The following NAA25 variants were observed in gnomAD, a reference collection of about 807,000 sequenced individuals.
NAA25 encodes N-terminal acetyltransferase B complex subunit NAA25.
A neutral mutation model predicts 132.5 loss-of-function variants in NAA25; 30 were observed. The ratio of observed to expected loss-of-function variants is 0.23; its 90% CI spans 0.17 to 0.31. NAA25 has a LOEUF of 0.31. Among genes scored for constraint, NAA25 ranks in the 10% least tolerant of loss-of-function variants. The pLI is 1.00. For missense variants in NAA25, 771 were observed against 1,150.4 expected, an observed-to-expected ratio of 0.67 and a Z score of 4.77; for synonymous variants, 359 against 401.9, an observed-to-expected ratio of 0.89 and a Z score of 1.28.
rs896608914 is a variant in NAA25 at position 112,049,529 on chromosome 12, C to T, written c.1729-1086G>A. On this transcript the variant is annotated intron_variant, in intron 15 of 23. Transcript: ENST00000261745. This position sits in a 1 kb window ranked among gnomAD's most constrained non-coding sequence, Gnocchi z 4.7. ...GGGTTCATTTCAGGCCGCGGGATTG[C>T]GCCACGGGCGCTAATTCAACTGCAT... is the stretch of plus-strand genomic sequence containing the variant. 7 of 985,706 alleles carry T rather than the reference C, an allele frequency of 7.1e-6. No homozygotes were observed. The Admixed American group carries it at 1.8e-4, about 26-fold the overall frequency. 61.1% of individuals were successfully genotyped at this position (985,706 alleles called of 1,614,324 possible).
chr12:112,031,673 C>A (rs1467103480), intron 23 of NAA25, among the ~76,000 whole-genome samples: 1 of 152,008 alleles, frequency 6.6e-6, no homozygotes, highest in African/African-American at 2.4e-5. Context: ...ACTTGATAGT[C>A]ACAACAGGGC....
At chr12:112,051,447 G>A (rs146956953) in intron 15 of NAA25, among the ~76,000 whole-genome samples, 173 of 152,176 alleles carry the variant, frequency 1.1e-3, no homozygotes, top group African/African-American at 4.0e-3. Context: ...CTGACCTCAG[G>A]TGATCCACCC....
chr12:112,072,359 G>C (rs1397138293), intron 9 of NAA25, among the ~76,000 whole-genome samples: 2 of 152,066 alleles, frequency 1.3e-5, no homozygotes, highest in African/African-American at 4.8e-5. Context: ...TGTAATCCCA[G>C]CACTTTGGAA....
At chr12:112,088,634 T>C (rs1449666239) in intron 3 of NAA25, among the ~76,000 whole-genome samples, 1 of 151,924 alleles carries the variant, frequency 6.6e-6, no homozygotes, top group Non-Finnish European at 1.5e-5. Flanking sequence ...TTTTTTTTTT[T>C]TTTTGGAGAC....
At position 112,036,961 on chromosome 12, in the gene NAA25, A is replaced by G. The variant is rs1032992004; in HGVS notation, c.2649+2268T>C. ...AAATAAACTAGAAGCAGTGAACCCC[A>G]ATAGCAATGAGCACACTAACACCTA... On this transcript the variant is annotated intron_variant, in intron 22 of 23. Coordinates refer to ENST00000261745, the MANE Select transcript of NAA25 (RefSeq NM_024953.4). Among the ~76,000 whole-genome samples, 14 of 152,140 alleles carry G rather than the reference A, an allele frequency of 9.2e-5. 1 individual carries two copies. The highest frequency in any genetic ancestry group is 2.1e-4 in the South Asian group (1 of 4,824).
At position 112,027,369 on chromosome 12, in the gene NAA25, AAGAAC is replaced by A. The variant is rs1425888497; in HGVS notation, c.*2157_*2161del. 6.6e-6 allele frequency: 1 copy of A among 152,516 alleles called. No homozygotes were observed. The highest frequency in any genetic ancestry group is 6.5e-5 in the Admixed American group (1 of 15,278). The allele number at this position is 152,516 out of a possible 1,614,324, so 9.4% of individuals were successfully genotyped here. A position where few individuals can be genotyped will look rare whatever the true frequency, so the allele number is the denominator to read the frequency against. On this transcript the variant is annotated 3_prime_UTR_variant, in exon 24 of 24. Coordinates refer to ENST00000261745, the MANE Select transcript of NAA25 (RefSeq NM_024953.4). The stretch of plus-strand genomic sequence containing the variant: ...ATTTATAGTACATGAGGGTTTCCAA[AAGAAC>A]AGATTGATAAGAGATATTGGCCATT...
At chr12:112,087,874 T>TCTGCCAAATA in intron 3 of NAA25, 73 bp from the exon 4 acceptor site, 2 of 984,742 alleles carry the variant, frequency 2.0e-6, no homozygotes, top group Non-Finnish European at 3.2e-6. Flanking sequence ...TCTTCCTATT[T>TCTGCCAAATA]GGCAGAAATA....
chr12:112,075,641 C>A (rs2078884769), intron 8 of NAA25, 37 bp downstream of exon 8: 2 of 1,551,966 alleles, frequency 1.3e-6, no homozygotes, highest in Non-Finnish European at 1.8e-6. Context: ...TAAAGCCTCA[C>A]TACAGTCAAA....
intron 22 of NAA25, chr12:112,034,016 T>C (rs548710554): frequency 1.6e-4 from 25 of 152,208 alleles, no homozygotes; most frequent in African/African-American, 6.0e-4. Flanking sequence ...TCTTGGACAG[T>C]TCAATATCAA....
chr12:112,061,129 T>C, intron 12 of NAA25, 52 bp downstream of exon 12: 1 of 1,522,064 alleles, frequency 6.6e-7, no homozygotes. Context: ...AACTGCCTTC[T>C]AAGTCTTAGT....
At chr12:112,090,536 T>C in intron 3 of NAA25, 190 bp downstream of exon 3, 1 of 480,352 alleles carries the variant, frequency 2.1e-6, no homozygotes, top group Non-Finnish European at 3.6e-6. Flanking sequence ...TAATTCTCAT[T>C]CCAATTCAAG....
chr12:112,103,836 T>C (rs2079326723), intron 1 of NAA25, among the ~76,000 whole-genome samples: 1 of 152,202 alleles, frequency 6.6e-6, no homozygotes, highest in Non-Finnish European at 1.5e-5. Context: ...AGTTAGAGTC[T>C]CATAAGGAGC....
intron 16 of NAA25, 69 bp downstream of exon 16, chr12:112,048,223 A>T: frequency 2.8e-6 from 4 of 1,451,514 alleles, no homozygotes; most frequent in South Asian, 1.3e-5. Flanking sequence ...AACACCCATG[A>T]GCCCATTAAT....
chr12:112,040,441 A>T, intron 21 of NAA25, 40 bp downstream of exon 21: 3 of 1,251,600 alleles, frequency 2.4e-6, no homozygotes, highest in Non-Finnish European at 3.5e-6. Context: ...GTAGACCATT[A>T]AGAACAACAA....
Position 112,068,882 on chromosome 12 carries a change from T to C in NAA25, c.1147A>G (p.Lys383Glu). Reference sequence around the variant, plus strand: ...CTTCTAAACTGTATAGTACTTACTTTTGTACACTGTGTAGCAGGTAAGAGG... The same window carrying C: ...CTTCTAAACTGTATAGTACTTACTTCTGTACACTGTGTAGCAGGTAAGAGG... ...VDLLPATQCT[K>E]FINQLLGVVP... Residue 383 changes from lysine (K) to glutamate (E), a missense_variant and splice_region_variant, in exon 11 of 24, where the codon AAA (lysine) becomes GAA (glutamate). Transcript: ENST00000261745. 2 of 1,584,574 alleles carry C rather than the reference T, an allele frequency of 1.3e-6. No homozygotes were observed. Among genetic ancestry groups the C allele is most frequent in the Non-Finnish European group, 1.7e-6 (2 of 1,157,214 alleles).
At chr12:112,062,440 G>A (rs1286730906) in intron 11 of NAA25, among the ~76,000 whole-genome samples, 1 of 150,942 alleles carries the variant, frequency 6.6e-6, no homozygotes, top group African/African-American at 2.4e-5. Context: ...AAAATAGGCC[G>A]GGTGTGGTGC....
At chr12:112,085,860 A>C (rs919103952) in intron 4 of NAA25, among the ~76,000 whole-genome samples, 1 of 149,990 alleles carries the variant, frequency 6.7e-6, no homozygotes, top group Admixed American at 6.7e-5. Context: ...TCTACTAAAA[A>C]TACAAAAATT....
At chr12:112,050,993 G>A (rs913150431) in intron 15 of NAA25, among the ~76,000 whole-genome samples, 3 of 152,090 alleles carry the variant, frequency 2.0e-5, no homozygotes, top group Non-Finnish European at 2.9e-5. Flanking sequence ...AAAAGCATCC[G>A]GGGATCCCAA....
At chr12:112,058,927 G>A (rs1168197386) in intron 13 of NAA25, among the ~76,000 whole-genome samples, 2 of 151,424 alleles carry the variant, frequency 1.3e-5, no homozygotes, top group Non-Finnish European at 2.9e-5. Flanking sequence ...GCATGGTGGC[G>A]GGCACCTGTA....
Sources: gnomAD v4.1 joint callset for allele counts (sites outside exome capture counted in the v4.1 genomes callset) on GRCh38, gnomAD v4.1.1 for gene constraint, Gnocchi (gnomAD v3.1) non-coding constraint, MANE v1.5 for transcripts, NCBI Gene and HGNC (gene_info 2026-07-23, HGNC 2026-07-21) for gene names.